Variants in ST18 observed in about 807,000 individuals in gnomAD.
ST18 encodes the protein suppression of tumorigenicity 18 protein.
In ST18, 50 loss-of-function variants were observed where a neutral mutation model predicts 110.0. The observed-to-expected ratio is 0.45, with a 90% CI of 0.36 to 0.58. The LOEUF is 0.58. Ranked by LOEUF, ST18 falls within the 20% of genes least tolerant of loss-of-function variation. The pLI is 0.00. For synonymous variants in ST18, 461 were observed against 452.4 expected, an observed-to-expected ratio of 1.02 and a Z score of -0.24; for missense variants, 1,306 against 1,280.1, an observed-to-expected ratio of 1.02 and a Z score of -0.31.
At chr8:52,334,804 G>A (rs990895870) in intron 2 of ST18, among the ~76,000 whole-genome samples, 10 of 152,046 alleles carry the variant, frequency 6.6e-5, no homozygotes, top group African/African-American at 1.7e-4. Flanking sequence ...CCTGCTCCAC[G>A]TTGCTCATTT....
chr8:52,158,022 T>C (rs28535784), intron 15 of ST18, among the ~76,000 whole-genome samples: 4,067 of 152,310 alleles, frequency 0.027, 168 homozygotes, highest in African/African-American at 0.093. Context: ...GGGAAATCAT[T>C]TCTTTGAACT....
intron 2 of ST18, among the ~76,000 whole-genome samples, chr8:52,318,179 G>GA (rs2096063097): frequency 1.3e-5 from 2 of 151,316 alleles, no homozygotes; most frequent in African/African-American, 4.9e-5. Flanking sequence ...AAATTTACAA[G>GA]AAAAAACAAA....
At chr8:52,118,226 A>G in intron 24 of ST18, 112 bp downstream of exon 24, 2 of 650,648 alleles carry the variant, frequency 3.1e-6, no homozygotes, top group South Asian at 4.4e-5. Context: ...AACACTCAGC[A>G]TATTGACTCT....
Position 52,260,726 on chromosome 8 carries a change from T to A in ST18, c.-464-30649A>T, listed in dbSNP as rs549649604. On this transcript the variant is annotated intron_variant, in intron 2 of 25. Coordinates refer to ENST00000689386, the MANE Select transcript of ST18 (RefSeq NM_001352837.2). Reference sequence around the variant, plus strand: ...TCTATACACATACACACACTGCAATTTTTTTCTATTTAGATTGATTTGTCT... The same window carrying A: ...TCTATACACATACACACACTGCAATATTTTTCTATTTAGATTGATTTGTCT... Among the ~76,000 whole-genome samples, 6 of 152,306 alleles carry A rather than the reference T, an allele frequency of 3.9e-5. No homozygotes were observed. In the East Asian group the frequency reaches 1.2e-3, roughly 29 times the overall value.
Position 52,380,998 on chromosome 8 carries a change from G to A in ST18, c.-465+28330C>T, listed in dbSNP as rs192591223. Among the ~76,000 whole-genome samples the A allele has an allele frequency of 3.4e-3, 524 of 152,298 alleles. 6 individuals are homozygous for A. The highest frequency in any genetic ancestry group is 0.012 in the African/African-American group (500 of 41,562). On this transcript the variant is annotated intron_variant, in intron 2 of 25. Transcript: ENST00000689386. ...TCTCTCCTTCTGGTATTTTCTCCCA[G>A]CTGCAAATACAGCAAGTGTTAAGAG...
chr8:52,356,918 C>T (rs375862503), intron 2 of ST18, among the ~76,000 whole-genome samples: 2 of 152,126 alleles, frequency 1.3e-5, no homozygotes, highest in African/African-American at 4.8e-5. Context: ...CAATATAAGT[C>T]TTCTGAGATT....
intron 2 of ST18, among the ~76,000 whole-genome samples, chr8:52,261,791 A>T (rs896729172): frequency 6.6e-6 from 1 of 152,146 alleles, no homozygotes; most frequent in African/African-American, 2.4e-5. Flanking sequence ...ATATCCCAGG[A>T]CCGAGTCTTT....
chr8:52,166,469 C>G (rs1308216547), intron 11 of ST18, among the ~76,000 whole-genome samples: 2 of 152,180 alleles, frequency 1.3e-5, no homozygotes, highest in Non-Finnish European at 2.9e-5. Flanking sequence ...ATCAGTCAAA[C>G]TGGCCAGTCC....
chr8:52,113,089 G>A lies in ST18; in HGVS notation c.*109C>T. 1 of 1,291,032 alleles carries A rather than the reference G, an allele frequency of 7.7e-7. No homozygotes were observed. The highest frequency in any genetic ancestry group is 1.0e-6 in the Non-Finnish European group (1 of 976,320). 80.0% of individuals were successfully genotyped at this position (1,291,032 alleles called of 1,614,324 possible). On this transcript the variant is annotated 3_prime_UTR_variant, in exon 26 of 26. Coordinates refer to ENST00000689386, the MANE Select transcript of ST18 (RefSeq NM_001352837.2). ...TAAAATTAGTGCAATGTTGCAAATTGTAAATGCAGTACGGCAACCTCCACG... is the reference window on the plus strand; with the variant it reads ...TAAAATTAGTGCAATGTTGCAAATTATAAATGCAGTACGGCAACCTCCACG...
intron 17 of ST18, among the ~76,000 whole-genome samples, chr8:52,142,220 G>A (rs1563652645): frequency 1.3e-5 from 2 of 152,122 alleles, no homozygotes; most frequent in African/African-American, 4.8e-5. Context: ...TTCTTGATAC[G>A]TTCAGCTGGA....
chr8:52,165,538 G>T (rs1207689367), intron 11 of ST18, among the ~76,000 whole-genome samples: 2 of 152,164 alleles, frequency 1.3e-5, no homozygotes, highest in African/African-American at 4.8e-5. Context: ...TTTTCCCTGG[G>T]GGATGGATGG....
chr8:52,334,353 G>T (rs529136261), intron 2 of ST18, among the ~76,000 whole-genome samples: 5 of 152,304 alleles, frequency 3.3e-5, no homozygotes, highest in East Asian at 1.9e-4. Context: ...TATTTCACCT[G>T]ATTTACAATT....
chr8:52,210,581 C>T (rs994491593), intron 8 of ST18, among the ~76,000 whole-genome samples: 3 of 151,896 alleles, frequency 2.0e-5, no homozygotes, highest in African/African-American at 7.3e-5. Flanking sequence ...TTTCCTGAGC[C>T]CAGGAGTTTT....
intron 8 of ST18, among the ~76,000 whole-genome samples, chr8:52,195,305 G>C (rs1388797654): frequency 6.6e-6 from 1 of 152,034 alleles, no homozygotes; most frequent in Non-Finnish European, 1.5e-5. Context: ...TACTATTTTT[G>C]TTTGCTAGTA....
chr8:52,370,048 T>C (rs930588186), intron 2 of ST18, among the ~76,000 whole-genome samples: 1 of 152,200 alleles, frequency 6.6e-6, no homozygotes, highest in Admixed American at 6.5e-5. Context: ...CAGACATGCA[T>C]GTGCACACAC....
In ST18 at chr8:52,147,556, C is replaced by A. The variant is rs557070561; in HGVS notation, c.2052+2176G>T. Among the ~76,000 whole-genome samples the A allele has an allele frequency of 5.4e-4, 82 of 152,200 alleles. 1 individual carries two copies. Among genetic ancestry groups the A allele is most frequent in the African/African-American group, 1.9e-3 (78 of 41,528 alleles). ...ATTGGAGGCTTATGCCTGACAATTTCTGGTGAATACATTCGCCATAATCAT... is the reference window on the plus strand; with the variant it reads ...ATTGGAGGCTTATGCCTGACAATTTATGGTGAATACATTCGCCATAATCAT... On this transcript the variant is annotated intron_variant, in intron 16 of 25. Coordinates refer to ENST00000689386, the MANE Select transcript of ST18 (RefSeq NM_001352837.2).
At chr8:52,129,789 A>G (rs1290309874) in intron 22 of ST18, among the ~76,000 whole-genome samples, 1 of 152,126 alleles carries the variant, frequency 6.6e-6, no homozygotes, top group African/African-American at 2.4e-5. Context: ...CCATGCCTGT[A>G]ATTCCAGCAC....
At chr8:52,365,100 C>A (rs553622066) in intron 2 of ST18, among the ~76,000 whole-genome samples, 6 of 117,234 alleles carry the variant, frequency 5.1e-5, no homozygotes, top group South Asian at 3.5e-4. Context: ...GGTGACAGAG[C>A]GAGACTCTGT....
chr8:52,195,932 G>A (rs1248958295), intron 8 of ST18, among the ~76,000 whole-genome samples: 2 of 152,156 alleles, frequency 1.3e-5, no homozygotes, highest in East Asian at 3.9e-4. Flanking sequence ...ATCTCAGCAT[G>A]TGATCAGACC....
Sources: gnomAD v4.1 joint callset for allele counts (sites outside exome capture counted in the v4.1 genomes callset) on GRCh38, gnomAD v4.1.1 for gene constraint, MANE v1.5 for transcripts, NCBI Gene and HGNC (gene_info 2026-07-23, HGNC 2026-07-21) for gene names.